Variants in PTH2R observed in about 807,000 individuals in gnomAD.
PTH2R encodes PTH2 receptor.
A neutral mutation model predicts 60.3 loss-of-function variants in PTH2R; 59 were observed. The ratio of observed to expected loss-of-function variants is 0.98; its 90% CI spans 0.79 to 1.22. The LOEUF is 1.22. Ranked by LOEUF, PTH2R falls within the 50% of genes most tolerant of loss-of-function variation. The pLI is 0.00. For synonymous variants in PTH2R, 256 were observed against 243.8 expected, an observed-to-expected ratio of 1.05 and a Z score of -0.47; for missense variants, 749 against 682.6, an observed-to-expected ratio of 1.10 and a Z score of -1.08.
At chr2:208,483,241 G>A (rs989755334) in intron 10 of PTH2R, among the ~76,000 whole-genome samples, 1 of 152,144 alleles carries the variant, frequency 6.6e-6, no homozygotes, top group Admixed American at 6.5e-5. Context: ...TATACATTGT[G>A]CATGAGTTTA....
chr2:208,377,672 C>T (rs1459655775), intron 1 of PTH2R, among the ~76,000 whole-genome samples: 10 of 150,714 alleles, frequency 6.6e-5, no homozygotes, highest in East Asian at 2.0e-4. Flanking sequence ...AGCTGCCGGG[C>T]GGAGGGGCTC....
intron 2 of PTH2R, among the ~76,000 whole-genome samples, chr2:208,433,297 G>A (rs1031545277): frequency 3.3e-5 from 5 of 152,092 alleles, no homozygotes; most frequent in African/African-American, 1.2e-4. Context: ...AATTAAATGT[G>A]GTCAAACTTT....
At chr2:208,401,088 T>C (rs559164846) in intron 1 of PTH2R, among the ~76,000 whole-genome samples, 30 of 152,344 alleles carry the variant, frequency 2.0e-4, no homozygotes, top group African/African-American at 7.2e-4. Flanking sequence ...AGGTATACAA[T>C]AGGATTATGC....
chr2:208,400,111 C>G (rs775290929), intron 1 of PTH2R, among the ~76,000 whole-genome samples: 8 of 152,196 alleles, frequency 5.3e-5, no homozygotes, highest in Non-Finnish European at 1.0e-4. Flanking sequence ...GTTCTTTCAG[C>G]GATTTGACCT....
At chr2:208,458,333 A>T (rs1702556892) in intron 8 of PTH2R, among the ~76,000 whole-genome samples, 1 of 152,200 alleles carries the variant, frequency 6.6e-6, no homozygotes, top group Non-Finnish European at 1.5e-5. Flanking sequence ...AATATAAAAA[A>T]TAGGCAAATT....
At chr2:208,402,096 C>T (rs1701321038), upstream of PTH2R, among the ~76,000 whole-genome samples, 1 of 152,228 alleles carries the variant, frequency 6.6e-6, no homozygotes, top group Admixed American at 6.5e-5. Flanking sequence ...CCTCACTTTC[C>T]TATTTTTACC....
chr2:208,404,929 T>C (rs956784120), upstream of PTH2R, among the ~76,000 whole-genome samples: 1 of 152,196 alleles, frequency 6.6e-6, no homozygotes, highest in African/African-American at 2.4e-5. Context: ...GTGTTTCACA[T>C]CTGAGTTTGA....
At chr2:208,397,652 C>T (rs1018969672) in intron 1 of PTH2R, among the ~76,000 whole-genome samples, 8 of 152,148 alleles carry the variant, frequency 5.3e-5, no homozygotes, top group Admixed American at 2.6e-4. Context: ...CTGGAGGAGG[C>T]GGTGTCTTAC....
chr2:208,372,638 A>G (rs1002717241), intron 1 of PTH2R, among the ~76,000 whole-genome samples: 1 of 152,078 alleles, frequency 6.6e-6, no homozygotes, highest in African/African-American at 2.4e-5. Flanking sequence ...ATGTCAACTA[A>G]AAAACATATT....
At chr2:208,367,304 G>A (rs1048657259) in intron 1 of PTH2R, among the ~76,000 whole-genome samples, 2 of 152,138 alleles carry the variant, frequency 1.3e-5, no homozygotes, top group Non-Finnish European at 2.9e-5. Context: ...ATGTTGGCCA[G>A]GCTGGTCTCG....
chr2:208,444,960 A>G, intron 7 of PTH2R, 73 bp downstream of exon 7: 1 of 1,450,710 alleles, frequency 6.9e-7, no homozygotes, highest in Non-Finnish European at 9.4e-7. Context: ...GCCCATCATT[A>G]GCATCCCTAC....
rs192533048 is a variant in PTH2R, at chr2:208,426,210, C to T, written c.76-1991C>T. 8.8e-3 allele frequency among the ~76,000 whole-genome samples: 1,342 copies of T among 152,284 alleles called. 8 individuals carry two copies. The highest frequency in any genetic ancestry group is 0.014 in the Non-Finnish European group (928 of 68,014). On this transcript the variant is annotated intron_variant, in intron 1 of 12. Coordinates refer to ENST00000272847, the MANE Select transcript of PTH2R (RefSeq NM_005048.4). ...AGTACAAATTACCAAAGTAGGGCTTCTCTTAGCTATCAAATATGTGACAGA... is the reference window on the plus strand; with the variant it reads ...AGTACAAATTACCAAAGTAGGGCTTTTCTTAGCTATCAAATATGTGACAGA...
intron 1 of PTH2R, among the ~76,000 whole-genome samples, chr2:208,401,360 C>T (rs2105824251): frequency 6.6e-6 from 1 of 152,246 alleles, no homozygotes; most frequent in Non-Finnish European, 1.5e-5. Flanking sequence ...CATCTGTCCC[C>T]TGTAAAAACA....
At chr2:208,393,863 G>C (rs1701154574) in intron 1 of PTH2R, among the ~76,000 whole-genome samples, 1 of 152,204 alleles carries the variant, frequency 6.6e-6, no homozygotes, top group South Asian at 2.1e-4. Context: ...AGAGGTAAGA[G>C]TGAAGGGGGG....
At chr2:208,444,643 A>C in intron 6 of PTH2R, 91 bp from the exon 7 acceptor site, 3 of 1,294,790 alleles carry the variant, frequency 2.3e-6, no homozygotes, top group Non-Finnish European at 3.2e-6. Context: ...CCTGAAAAAG[A>C]AACTGAAGAC....
At chr2:208,444,130 G>GCTGATT (rs1702241935) in intron 6 of PTH2R, among the ~76,000 whole-genome samples, 1 of 152,112 alleles carries the variant, frequency 6.6e-6, no homozygotes, top group Admixed American at 6.5e-5. Flanking sequence ...TATAGTCCCT[G>GCTGATT]CTGATTCTGA....
intron 10 of PTH2R, among the ~76,000 whole-genome samples, chr2:208,481,766 T>C (rs1053056545): frequency 6.6e-6 from 1 of 152,192 alleles, no homozygotes; most frequent in African/African-American, 2.4e-5. Flanking sequence ...TGGCAGACAA[T>C]TTTATTTGCA....
chr2:208,457,188 T>C (rs1702531827), intron 8 of PTH2R, among the ~76,000 whole-genome samples: 1 of 152,250 alleles, frequency 6.6e-6, no homozygotes, highest in Non-Finnish European at 1.5e-5. Context: ...TCACATGATA[T>C]ATGCCACCTT....
intron 1 of PTH2R, among the ~76,000 whole-genome samples, chr2:208,408,740 A>AAGAGAGAGAGAGAGAGAGAG (rs56107941): frequency 4.9e-5 from 6 of 123,314 alleles, no homozygotes; most frequent in African/African-American, 2.0e-4. Context: ...GAGAGAGAGA[A>AAGAGAGAGAGAGAGAGAGAG]AGAGAGAGAG....
Sources: allele counts gnomAD v4.1 joint callset (sites outside exome capture counted in the v4.1 genomes callset), GRCh38; gene constraint gnomAD v4.1.1; transcripts MANE v1.5; gene names NCBI Gene and HGNC (gene_info 2026-07-23, HGNC 2026-07-21).